The following MTCL2 variants were observed in gnomAD, a reference collection of about 807,000 sequenced individuals.
MTCL2 encodes the protein microtubule crosslinking factor 2.
chr20:36,835,831 C>G, the MTCL2 span, among the ~76,000 whole-genome samples: 1 of 152,272 alleles, frequency 6.6e-6, no homozygotes, highest in East Asian at 1.9e-4. Flanking sequence ...GAGCCACACA[C>G]CCGCTCCCCA....
the MTCL2 span, among the ~76,000 whole-genome samples, chr20:36,835,244 GC>G: frequency 6.6e-6 from 1 of 152,094 alleles, no homozygotes; most frequent in African/African-American, 2.4e-5. Context: ...CTGGGCAAAG[GC>G]CCCACCGAGG....
chr20:36,824,963 A>G, the MTCL2 span, among the ~76,000 whole-genome samples: 2 of 146,502 alleles, frequency 1.4e-5, no homozygotes, highest in African/African-American at 2.5e-5. Flanking sequence ...TTTTTGAGAC[A>G]GAGTCTCGCT....
chr20:36,803,383 T>C, the MTCL2 span, among the ~76,000 whole-genome samples: 1 of 152,152 alleles, frequency 6.6e-6, no homozygotes, highest in Admixed American at 6.5e-5. Flanking sequence ...GAAAGATTAC[T>C]AGTGGTCATT....
the MTCL2 span, among the ~76,000 whole-genome samples, chr20:36,861,997 C>T: frequency 6.6e-6 from 1 of 152,212 alleles, no homozygotes; most frequent in East Asian, 1.9e-4. Flanking sequence ...CAAGGTCTGC[C>T]CCAGGGAGGG....
the MTCL2 span, among the ~76,000 whole-genome samples, chr20:36,856,627 A>G: frequency 6.6e-6 from 1 of 152,068 alleles, no homozygotes; most frequent in Admixed American, 6.5e-5. Context: ...TTCAAGACCT[A>G]CCACCCCCAT....
At chr20:36,825,987 A>G in the MTCL2 span, among the ~76,000 whole-genome samples, 1 of 139,468 alleles carries the variant, frequency 7.2e-6, no homozygotes, top group Non-Finnish European at 1.5e-5. Flanking sequence ...TTTCACAAAT[A>G]AATTCCAAAT....
chr20:36,786,753 AG>A, the MTCL2 span: 21 of 1,020,712 alleles, frequency 2.1e-5, no homozygotes, highest in Admixed American at 4.9e-4. Flanking sequence ...ACCAGTTCCC[AG>A]GGGCTGAAGC....
the MTCL2 span, among the ~76,000 whole-genome samples, chr20:36,824,080 G>A: frequency 9.1e-4 from 138 of 152,166 alleles, 1 homozygote; most frequent in African/African-American, 3.3e-3. Flanking sequence ...AGGAGCATAG[G>A]GGCAACACCA....
chr20:36,837,802 C>T, the MTCL2 span, among the ~76,000 whole-genome samples: 1 of 151,998 alleles, frequency 6.6e-6, no homozygotes, highest in Non-Finnish European at 1.5e-5. Context: ...GTCTCGAACT[C>T]CTGACCTCAG....
chr20:36,791,135 C>G, the MTCL2 span, among the ~76,000 whole-genome samples: 2 of 151,600 alleles, frequency 1.3e-5, no homozygotes, highest in Admixed American at 1.3e-4. Context: ...CCTGGGTTCA[C>G]GCGATTCTCC....
chr20:36,823,904 GA>G, the MTCL2 span, among the ~76,000 whole-genome samples: 3 of 152,120 alleles, frequency 2.0e-5, no homozygotes, highest in Admixed American at 1.3e-4. Context: ...GCCAAGTCTG[GA>G]AAAAAGGCAG....
At chr20:36,805,486 A>G in the MTCL2 span, among the ~76,000 whole-genome samples, 2 of 151,970 alleles carry the variant, frequency 1.3e-5, no homozygotes, top group Non-Finnish European at 2.9e-5. Flanking sequence ...TACCCTTACC[A>G]TGTACCTCCC....
chr20:36,784,252 A>G, the MTCL2 span: 1 of 986,062 alleles, frequency 1.0e-6, no homozygotes, highest in South Asian at 4.7e-5. Flanking sequence ...AGCAGCATCC[A>G]AGAGCGGAAC....
the MTCL2 span, among the ~76,000 whole-genome samples, chr20:36,805,602 C>A: frequency 6.6e-6 from 1 of 152,190 alleles, no homozygotes; most frequent in African/African-American, 2.4e-5. Flanking sequence ...TCCTATACAT[C>A]CTTCAAAACC....
the MTCL2 span, chr20:36,815,873 G>C: frequency 6.2e-7 from 1 of 1,607,504 alleles, no homozygotes; most frequent in Admixed American, 1.7e-5. This position sits in a 1 kb window ranked among gnomAD's most constrained non-coding sequence, Gnocchi z 5.3. Flanking sequence ...GCAGCAGCTC[G>C]GCCTCCTCTT....
At chr20:36,807,041 G>A in the MTCL2 span, among the ~76,000 whole-genome samples, 2 of 152,200 alleles carry the variant, frequency 1.3e-5, no homozygotes, top group African/African-American at 4.8e-5. Context: ...GGGCTCCTAT[G>A]TTTCCAAACG....
At chr20:36,779,245 T>A in the MTCL2 span, 1 of 152,770 alleles carries the variant, frequency 6.5e-6, no homozygotes, top group African/African-American at 2.4e-5. Flanking sequence ...AACTGTAGAT[T>A]CTGCCAGGAC....
At chr20:36,806,190 C>T in the MTCL2 span, among the ~76,000 whole-genome samples, 7 of 152,134 alleles carry the variant, frequency 4.6e-5, no homozygotes, top group Admixed American at 2.0e-4. Context: ...AAAGGCCACA[C>T]GCACTCCCAC....
At chr20:36,785,847 G>A in the MTCL2 span, 2 of 985,620 alleles carry the variant, frequency 2.0e-6, no homozygotes, top group East Asian at 2.3e-4. Context: ...TATGGGCAGG[G>A]AGATCCAGGG....
Sources: gnomAD v4.1 joint callset for allele counts (sites outside exome capture counted in the v4.1 genomes callset) on GRCh38, gnomAD v4.1.1 for gene constraint, Gnocchi (gnomAD v3.1) non-coding constraint, MANE v1.5 for transcripts, NCBI Gene and HGNC (gene_info 2026-07-23, HGNC 2026-07-21) for gene names.